PLCE1: variants seen among roughly 807,000 people sequenced by gnomAD.
PLCE1 encodes phospholipase C epsilon 1.
A neutral mutation model predicts 242.8 loss-of-function variants in PLCE1; 119 were observed. The observed-to-expected ratio is 0.49, with a 90% CI of 0.42 to 0.57. PLCE1 has a LOEUF of 0.57. PLCE1 is among the 20% of genes least tolerant of loss of function. PLCE1 has a pLI of 0.00. For synonymous variants in PLCE1, 945 were observed against 1,017.4 expected (o/e 0.93, Z 1.35); for missense variants, 2,441 against 2,788.8 (o/e 0.88, Z 2.81).
intron 7 of PLCE1, 91 bp from the exon 8 acceptor site, chr10:94,245,855 A>G (rs2050660469): frequency 5.1e-6 from 5 of 983,720 alleles, no homozygotes; most frequent in African/African-American, 1.6e-5. Flanking sequence ...TCATAGTGCG[A>G]TGAAAAATAA....
intron 27 of PLCE1, among the ~76,000 whole-genome samples, chr10:94,312,551 T>G (rs1165218981): frequency 2.0e-5 from 3 of 152,204 alleles, no homozygotes; most frequent in African/African-American, 7.2e-5. Flanking sequence ...GATACCATTT[T>G]TCAGAAAGCC....
chr10:94,015,543 G>A (rs547443386), intron 1 of PLCE1, among the ~76,000 whole-genome samples: 2 of 152,162 alleles, frequency 1.3e-5, no homozygotes, highest in Admixed American at 1.3e-4. Context: ...GCCCCACTGG[G>A]AACAGGGCAG....
Position 94,241,551 on chromosome 10 carries a change from G to A in PLCE1, c.2421-4395G>A, listed in dbSNP as rs527802238. On this transcript the variant is annotated intron_variant, in intron 7 of 32. Coordinates refer to ENST00000371380, the MANE Select transcript of PLCE1 (RefSeq NM_016341.4). ...TCCCCCCTGTAATCCCAGCACTTTG[G>A]GAGGCCGAGGCAGGTGGATCACAAG... 1.1e-3 allele frequency among the ~76,000 whole-genome samples: 173 copies of A among 152,228 alleles called. 3 individuals are homozygous for A. Among genetic ancestry groups the A allele is most frequent in the Non-Finnish European group, 2.2e-3 (147 of 68,016 alleles).
At chr10:94,269,503 A>G (rs2051647142) in intron 17 of PLCE1, among the ~76,000 whole-genome samples, 1 of 152,152 alleles carries the variant, frequency 6.6e-6, no homozygotes, top group Admixed American at 6.5e-5. Flanking sequence ...TGTTTGCTGT[A>G]TCATGTGGAA....
At chr10:94,009,608 A>G (rs993717948) in intron 1 of PLCE1, among the ~76,000 whole-genome samples, 1 of 152,234 alleles carries the variant, frequency 6.6e-6, no homozygotes, top group East Asian at 1.9e-4. Flanking sequence ...AGTCTATAAA[A>G]TCAAAACAAC....
chr10:94,212,155 C>T (rs2049356525), intron 4 of PLCE1, among the ~76,000 whole-genome samples: 1 of 152,156 alleles, frequency 6.6e-6, no homozygotes. Context: ...GGCGTGATCT[C>T]GGCTCACTGC....
At chr10:94,271,077 G>C (rs1180232659) in intron 18 of PLCE1, among the ~76,000 whole-genome samples, 1 of 152,096 alleles carries the variant, frequency 6.6e-6, no homozygotes, top group African/African-American at 2.4e-5. Context: ...GCTGTTCTTA[G>C]AGCCTGGGCC....
At chr10:94,037,500 G>T (rs1469037096) in intron 2 of PLCE1, among the ~76,000 whole-genome samples, 3 of 152,214 alleles carry the variant, frequency 2.0e-5, no homozygotes, top group Non-Finnish European at 4.4e-5. Flanking sequence ...TTCGTGGGGT[G>T]CTTAGGCTTA....
chr10:94,161,496 C>T (rs1441966562), intron 3 of PLCE1, among the ~76,000 whole-genome samples: 6 of 152,140 alleles, frequency 3.9e-5, no homozygotes, highest in East Asian at 1.9e-4. Context: ...AATTTTTGCA[C>T]GTTGATTTTG....
intron 4 of PLCE1, among the ~76,000 whole-genome samples, chr10:94,207,331 A>G (rs755723396): frequency 6.6e-6 from 1 of 152,236 alleles, no homozygotes; most frequent in Non-Finnish European, 1.5e-5. Context: ...ATGAGTAAAT[A>G]AGCAAATATA....
chr10:94,087,240 C>T (rs140388107), intron 2 of PLCE1, among the ~76,000 whole-genome samples: 2,309 of 149,370 alleles, frequency 0.015, 47 homozygotes, highest in African/African-American at 0.054. Context: ...GTCCTAGCTA[C>T]TCAGGAGGCT....
At chr10:94,195,905 A>T (rs1024597026) in intron 4 of PLCE1, among the ~76,000 whole-genome samples, 8 of 152,146 alleles carry the variant, frequency 5.3e-5, no homozygotes, top group African/African-American at 1.9e-4. Flanking sequence ...CCCTCTGAAC[A>T]TCAGTTTCTG....
chr10:94,261,269 C>T (rs891961373), intron 13 of PLCE1, among the ~76,000 whole-genome samples: 8 of 152,146 alleles, frequency 5.3e-5, no homozygotes, highest in South Asian at 2.1e-4. Flanking sequence ...TTCAGACTGG[C>T]GTCTTTCACT....
At position 94,038,985 on chromosome 10, in the gene PLCE1, T is replaced by G. The variant is rs554305292; in HGVS notation, c.1206+6733T>G. ...CTTTCATATGAATGGACTTTCATACTGTTTGGTCTTGTGACTGGCTTCTTT... is the reference window on the plus strand; with the variant it reads ...CTTTCATATGAATGGACTTTCATACGGTTTGGTCTTGTGACTGGCTTCTTT... On this transcript the variant is annotated intron_variant, in intron 2 of 32. Coordinates refer to ENST00000371380, the MANE Select transcript of PLCE1 (RefSeq NM_016341.4). Among the ~76,000 whole-genome samples, 3 of 152,338 alleles carry G rather than the reference T, an allele frequency of 2.0e-5. No homozygotes were observed. The East Asian group carries it at 5.8e-4, about 29-fold the overall frequency.
Position 94,274,276 on chromosome 10 carries a change from A to C in PLCE1, c.4665+556A>C, listed in dbSNP as rs572419788. ...ACACTGAGTCCATTTTCCAGTCTGC[A>C]CCTACTTATCCCACAGGATGACAGC... On this transcript the variant is annotated intron_variant, in intron 19 of 32. Transcript: ENST00000371380. Among the ~76,000 whole-genome samples, 74 of 152,280 alleles carry C rather than the reference A, an allele frequency of 4.9e-4. 1 individual carries two copies. In the South Asian group the frequency reaches 0.015, roughly 30 times the overall value.
chr10:94,255,555 G>C (rs942973967), intron 11 of PLCE1, among the ~76,000 whole-genome samples: 1 of 152,104 alleles, frequency 6.6e-6, no homozygotes, highest in Non-Finnish European at 1.5e-5. Context: ...TAAACTATTT[G>C]GCCCCTTTGC....
At chr10:94,008,572 G>A (rs1321777398) in intron 1 of PLCE1, among the ~76,000 whole-genome samples, 1 of 152,186 alleles carries the variant, frequency 6.6e-6, no homozygotes, top group Non-Finnish European at 1.5e-5. Flanking sequence ...GCCTCCAAAA[G>A]TGCTGGGATT....
intron 4 of PLCE1, among the ~76,000 whole-genome samples, chr10:94,203,077 A>G (rs1564785392): frequency 6.6e-6 from 1 of 152,242 alleles, no homozygotes; most frequent in Non-Finnish European, 1.5e-5. Flanking sequence ...CTTTTTAAAT[A>G]TCCTGCATGC....
At chr10:94,147,379 G>A (rs1298344746) in intron 3 of PLCE1, among the ~76,000 whole-genome samples, 4 of 151,928 alleles carry the variant, frequency 2.6e-5, no homozygotes, top group Admixed American at 6.6e-5. Flanking sequence ...CCAAGATGGC[G>A]CCACTGCACT....
Sources: allele counts gnomAD v4.1 joint callset (sites outside exome capture counted in the v4.1 genomes callset), GRCh38; gene constraint gnomAD v4.1.1; transcripts MANE v1.5; gene names NCBI Gene and HGNC (gene_info 2026-07-23, HGNC 2026-07-21).